SLC50A1: variants seen among roughly 807,000 people sequenced by gnomAD.
SLC50A1 encodes the protein solute carrier family 50 member 1.
SLC50A1 carries 22 observed loss-of-function variants against 28.9 expected under a neutral mutation model. The ratio of observed to expected loss-of-function variants is 0.76; its 90% CI spans 0.54 to 1.09. SLC50A1 has a LOEUF of 1.09. Ranked by LOEUF, SLC50A1 falls within the 50% of genes least tolerant of loss-of-function variation. The pLI is 0.00. For missense variants in SLC50A1, 233 were observed against 273.4 expected (o/e 0.85, Z 1.04); for synonymous variants, 96 against 110.6 (o/e 0.87, Z 0.83).
upstream of SLC50A1, chr1:155,135,405 A>C: frequency 1.8e-6 from 1 of 569,808 alleles, no homozygotes; most frequent in Non-Finnish European, 3.1e-6. Context: ...TTTGAGAAAA[A>C]GCTTCGGCAG....
intron 1 of SLC50A1, 74 bp downstream of exon 1, chr1:155,136,065 C>T: frequency 6.5e-7 from 1 of 1,549,500 alleles, no homozygotes; most frequent in Non-Finnish European, 8.8e-7. Context: ...AGAGACGTGG[C>T]CACAGCACCT....
In SLC50A1 at chr1:155,137,664, T is replaced by C; in HGVS notation, c.386T>C (p.Leu129Ser). ...AACCCTGAGGCCCGGCTTCAGCAGT[T>C]GGGCCTCTTCTGCAGTGTCTTCACC... ...VPNPEARLQQ[L>S]GLFCSVFTIS... Residue 129 changes from leucine to serine, a missense_variant, in exon 4 of 6, where the codon TTG becomes TCG. Coordinates refer to ENST00000368404, the MANE Select transcript of SLC50A1 (RefSeq NM_018845.4). 1 of 1,614,212 alleles carries C rather than the reference T, an allele frequency of 6.2e-7. No individual in the cohort carries two copies. Among genetic ancestry groups the C allele is most frequent in the South Asian group, 1.1e-5 (1 of 91,084 alleles).
In SLC50A1 at chr1:155,136,335, G is replaced by A. The variant is rs1296087522; in HGVS notation, c.117G>A (p.Val39=). ...GGCACATGCGAATGACCCGGAGTGT[G>A]GACAACGTCCAGTTCCTGCCCTTTC... ...DLRHMRMTRS[V]DNVQFLPFLT... is the part of the protein sequence containing the mutation. The change falls in exon 2 of 6, where the codon GTG becomes GTA. Residue 39 remains valine, a synonymous_variant. Coordinates refer to ENST00000368404, the MANE Select transcript of SLC50A1 (RefSeq NM_018845.4). 1.9e-6 allele frequency: 3 copies of A among 1,612,282 alleles called. No individual in the cohort carries two copies. Among genetic ancestry groups the A allele is most frequent in the South Asian group, 1.1e-5 (1 of 90,604 alleles).
Position 155,136,177 on chromosome 1 carries a change from CG to C in SLC50A1, c.81-115del, listed in dbSNP as rs1168370394. 44 of 140,550 alleles carry C rather than the reference CG, an allele frequency of 3.1e-4. 1 individual carries two copies. The highest frequency in any genetic ancestry group is 5.4e-4 in the Non-Finnish European group (38 of 70,972). 8.7% of individuals were successfully genotyped at this position (140,550 alleles called of 1,614,324 possible). ...CTGAAGGAGAAGGCAGGATAGCTGG[CG>C]GGGGGGAGAGGGGGCGGGGTCTGCG... On this transcript the variant is annotated intron_variant, in intron 1 of 5. Coordinates refer to ENST00000368404, the MANE Select transcript of SLC50A1 (RefSeq NM_018845.4).
chr1:155,135,390 G>T (rs1360441141), upstream of SLC50A1: 3 of 553,808 alleles, frequency 5.4e-6, no homozygotes, highest in Non-Finnish European at 9.5e-6. Context: ...CTGGTAATGT[G>T]TTATTTTGAG....
At chr1:155,136,109 G>C in intron 1 of SLC50A1, 118 bp downstream of exon 1, 3 of 1,319,836 alleles carry the variant, frequency 2.3e-6, no homozygotes, top group Non-Finnish European at 3.2e-6. Context: ...AGTGGGATCG[G>C]GTCGAGGGGA....
At position 155,137,700 on chromosome 1, in the gene SLC50A1, A is replaced by G; in HGVS notation, c.422A>G (p.Tyr141Cys). 6.2e-7 allele frequency: 1 copy of G among 1,614,046 alleles called. No homozygotes were observed. Among genetic ancestry groups the G allele is most frequent in the South Asian group, 1.1e-5 (1 of 91,082 alleles). ...TGCAGTGTCTTCACCATCAGCATGT[A>G]CCTCTCACCACTGGCTGACTTGGTG... ...LFCSVFTISMYLSPLADLAKV... is the reference protein window; with the variant it reads ...LFCSVFTISMCLSPLADLAKV... The change falls in exon 4 of 6, where the codon TAC (tyrosine) becomes TGC (cysteine). Residue 141 changes from tyrosine (Y) to cysteine (C), a missense_variant. Tyr to Cys is a radical substitution (Grantham distance 194). Coordinates refer to ENST00000368404, the MANE Select transcript of SLC50A1 (RefSeq NM_018845.4).
chr1:155,136,890 CAGTG>C lies in SLC50A1; in HGVS notation c.222_225del (p.Gly76LeufsTer29). The stretch of plus-strand genomic sequence containing the variant: ...GACGGGATCCTCATCGTCGTCAACA[CAGTG>C]GGTGCTGCGCTTCAGACCCTGTATA... On this transcript the variant is annotated frameshift_variant, in exon 3 of 6. Transcript: ENST00000368404. LOFTEE classifies it high-confidence loss of function. 6.2e-7 allele frequency: 1 copy of C among 1,614,226 alleles called. No individual in the cohort carries two copies. Among genetic ancestry groups the C allele is most frequent in the Non-Finnish European group, 8.5e-7 (1 of 1,180,034 alleles).
In SLC50A1 at chr1:155,137,568, T is replaced by A. The variant is rs1427886137; in HGVS notation, c.290T>A (p.Val97Glu). The A allele has an allele frequency of 3.1e-5, 50 of 1,613,946 alleles. No homozygotes were observed. In the Admixed American group the frequency reaches 6.0e-4, roughly 19 times the overall value. ...YLHYCPRKRVVLLQTATLLGV... is the reference protein window; with the variant it reads ...YLHYCPRKRVELLQTATLLGV... ...GTACTCTCTCCCCTGCAGCGTGTTG[T>A]GCTCCTACAGACTGCAACCCTGCTA... Residue 97 changes from valine (V) to glutamate (E), a missense_variant, in exon 4 of 6, where the codon GTG (valine) becomes GAG (glutamate). Transcript: ENST00000368404.
chr1:155,135,813 G>A, upstream of SLC50A1: 4 of 1,571,476 alleles, frequency 2.5e-6, no homozygotes, highest in African/African-American at 2.7e-5. Flanking sequence ...AGCCGAGTGC[G>A]CGGGGCGGGG....
chr1:155,135,573 CT>C, upstream of SLC50A1: 7 of 1,545,674 alleles, frequency 4.5e-6, no homozygotes, highest in Non-Finnish European at 6.1e-6. Context: ...AGCGTTGAGA[CT>C]GGGGGCGTCT....
intron 2 of SLC50A1, 147 bp downstream of exon 2, chr1:155,136,523 C>T (rs1022914486): frequency 2.5e-6 from 2 of 787,164 alleles, no homozygotes; most frequent in South Asian, 1.6e-5. Flanking sequence ...ACGGGCGGAT[C>T]ACGAGGTCAG....
intron 3 of SLC50A1, 113 bp downstream of exon 3, chr1:155,137,064 G>T: frequency 1.4e-6 from 2 of 1,407,668 alleles, no homozygotes; most frequent in Non-Finnish European, 1.9e-6. Context: ...TTTCCAGGAA[G>T]GCCTCTCCAG....
At position 155,137,628 on chromosome 1, in the gene SLC50A1, T is replaced by C. The variant is rs748512165; in HGVS notation, c.350T>C (p.Leu117Pro). The stretch of plus-strand genomic sequence containing the variant: ...CTCCTGGGTTATGGCTACTTTTGGC[T>C]CCTGGTACCCAACCCTGAGGCCCGG... ...VLLLGYGYFW[L>P]LVPNPEARLQ... The change falls in exon 4 of 6, where the codon CTC becomes CCC. Residue 117 changes from leucine (L) to proline (P), a missense_variant. Coordinates refer to ENST00000368404, the MANE Select transcript of SLC50A1 (RefSeq NM_018845.4). 1 of 1,614,202 alleles carries C rather than the reference T, an allele frequency of 6.2e-7. No individual in the cohort carries two copies.
chr1:155,136,814 C>T lies in SLC50A1; in HGVS notation c.159-14C>T, dbSNP rs546551330. On this transcript the variant is annotated splice_polypyrimidine_tract_variant and intron_variant, in intron 2 of 5. Coordinates refer to ENST00000368404, the MANE Select transcript of SLC50A1 (RefSeq NM_018845.4). The stretch of plus-strand genomic sequence containing the variant: ...TGAACCCTTTGAGCCATGTCCATCC[C>T]CTCCACCCTGCAGCAACCTGGGCTG... The T allele has an allele frequency of 1.9e-6, 3 of 1,614,156 alleles. No individual in the cohort carries two copies. The highest frequency in any genetic ancestry group is 2.5e-6 in the Non-Finnish European group (3 of 1,180,010).
intron 1 of SLC50A1, 117 bp from the exon 2 acceptor site, chr1:155,136,182 G>A (rs1010939239): frequency 1.1e-5 from 9 of 845,118 alleles, no homozygotes; most frequent in East Asian, 5.7e-5. Context: ...GCTGGCGGGG[G>A]GGAGAGGGGG....
At position 155,138,411 on chromosome 1, in the gene SLC50A1, A is replaced by G. The variant is rs922943395; in HGVS notation, c.*130A>G. 1 of 765,852 alleles carries G rather than the reference A, an allele frequency of 1.3e-6. No homozygotes were observed. Among genetic ancestry groups the G allele is most frequent in the African/African-American group, 1.8e-5 (1 of 56,558 alleles). The allele number at this position is 765,852 out of a possible 1,614,324, so 47.4% of individuals were successfully genotyped here. ...GGGAACAAGAGATGACTTTGAGGATAAAAGGACCAAAGAAAAAGCTTTACT... is the reference window on the plus strand; with the variant it reads ...GGGAACAAGAGATGACTTTGAGGATGAAAGGACCAAAGAAAAAGCTTTACT... On this transcript the variant is annotated 3_prime_UTR_variant, in exon 6 of 6. Transcript: ENST00000368404.
In SLC50A1 at chr1:155,137,751, G is replaced by A. The variant is rs934523749; in HGVS notation, c.444+29G>A. 2.5e-6 allele frequency: 4 copies of A among 1,612,616 alleles called. No homozygotes were observed. The African/African-American group carries it at 4.0e-5, about 16-fold the overall frequency. ...AGTGGGGGTGTCCAAGGAGGTAGGA[G>A]AGATAAGAGTCAGGCTCTCATAGCC... On this transcript the variant is annotated intron_variant, in intron 4 of 5. Transcript: ENST00000368404.
At chr1:155,135,562 G>A (rs868394600), upstream of SLC50A1, 144 of 1,540,286 alleles carry the variant, frequency 9.3e-5, no homozygotes, top group Admixed American at 8.8e-4. Flanking sequence ...GTGGGAACAC[G>A]AGCGTTGAGA....
Sources: allele counts gnomAD v4.1 joint callset, GRCh38; gene constraint gnomAD v4.1.1; transcripts MANE v1.5; gene names NCBI Gene and HGNC (gene_info 2026-07-23, HGNC 2026-07-21).